Variants in RBM41 observed in about 807,000 individuals in gnomAD.
The protein encoded by RBM41 is RNA-binding protein 41.
A neutral mutation model predicts 30.8 loss-of-function variants in RBM41; 14 were observed. The ratio of observed to expected loss-of-function variants is 0.45; its 90% CI spans 0.30 to 0.71. RBM41 has a LOEUF of 0.71. RBM41 is among the 30% of genes least tolerant of loss of function. RBM41 has a pLI of 0.08. For missense variants in RBM41, 276 were observed against 326.3 expected (o/e 0.85, Z 1.19); for synonymous variants, 120 against 110.1 (o/e 1.09, Z -0.56).
chrX:107,079,436 G>A (rs1016634271), intron 6 of RBM41, among the ~76,000 whole-genome samples: 1 of 111,432 alleles, frequency 9.0e-6, no homozygotes, highest in Non-Finnish European at 1.9e-5. Flanking sequence ...ACCAGTACCT[G>A]CCATGGGAAA....
chrX:107,070,116 G>A (rs963839315), intron 6 of RBM41: 5 of 278,193 alleles, frequency 1.8e-5, no homozygotes, highest in Non-Finnish European at 2.0e-5. Flanking sequence ...AAGGGATGGG[G>A]TTAAAATAAG....
chrX:107,055,665 T>C, the RBM41 span, among the ~76,000 whole-genome samples: 11 of 112,596 alleles, frequency 9.8e-5, no homozygotes, highest in Non-Finnish European at 1.9e-4. Context: ...AACCACATCA[T>C]AATTCTATGG....
At chrX:107,059,853 T>C (rs1417241937), downstream of RBM41, among the ~76,000 whole-genome samples, 1 of 112,097 alleles carries the variant, frequency 8.9e-6, no homozygotes, top group East Asian at 2.8e-4. Context: ...TTTAGTGTTA[T>C]CAGTTTTTAT....
At position 107,118,749 on chromosome X, in the gene RBM41, T is replaced by C. The variant is rs1185764422; in HGVS notation, c.8+17A>G. 1 of 1,211,805 alleles carries C rather than the reference T, an allele frequency of 8.3e-7. No homozygotes were observed. The highest frequency in any genetic ancestry group is 3.0e-5 in the East Asian group (1 of 33,822). On this transcript the variant is annotated intron_variant, in intron 1 of 7. Coordinates refer to ENST00000685964, the MANE Select transcript of RBM41 (RefSeq NM_001324242.2). ...ACAAAGCTCCCCTTGCCGCCTGCTC[T>C]TCAGACAAGTCCTTACCTCTTCATG...
At chrX:107,105,875 G>C (rs1284950363) in intron 5 of RBM41, among the ~76,000 whole-genome samples, 1 of 111,571 alleles carries the variant, frequency 9.0e-6, no homozygotes, top group Non-Finnish European at 1.9e-5. Flanking sequence ...ATTCAAGATG[G>C]ATTAAAGACT....
At chrX:107,089,253 TTA>T (rs1407305224) in intron 5 of RBM41, among the ~76,000 whole-genome samples, 1 of 112,242 alleles carries the variant, frequency 8.9e-6, no homozygotes, top group African/African-American at 3.2e-5. Context: ...CCTTTGGCTG[TTA>T]TATCTCTTAA....
chrX:107,085,341 A>G (rs1206643725), intron 6 of RBM41, among the ~76,000 whole-genome samples: 1 of 104,417 alleles, frequency 9.6e-6, no homozygotes, highest in Non-Finnish European at 1.9e-5. Flanking sequence ...ATCTTGGGTC[A>G]CTGCAACCTC....
chrX:107,101,890 T>C (rs1226393881), intron 5 of RBM41, among the ~76,000 whole-genome samples: 2 of 111,944 alleles, frequency 1.8e-5, no homozygotes, highest in Middle Eastern at 4.6e-3. Flanking sequence ...TGGAAGAATT[T>C]TGAGCTGCTT....
Position 107,088,595 on chromosome X carries a change from A to G in RBM41, c.840T>C (p.Val280=). 1 of 1,211,150 alleles carries G rather than the reference A, an allele frequency of 8.3e-7. No individual in the cohort carries two copies. Among genetic ancestry groups the G allele is most frequent in the Non-Finnish European group, 1.1e-6 (1 of 895,402 alleles). The change falls in exon 6 of 8, where the codon GTT becomes GTC. Residue 280 remains valine (V), a synonymous_variant. Coordinates refer to ENST00000685964, the MANE Select transcript of RBM41 (RefSeq NM_001324242.2). ...AACACTGCTCAGGTGAAAAATCAAT[A>G]ACATTTGCCACATGGAGACTGGGGC... is the stretch of plus-strand genomic sequence containing the variant. ...GKGPSLHVAN[V]IDFSPEQCWT...
chrX:107,055,470 G>A, the RBM41 span, among the ~76,000 whole-genome samples: 3 of 111,022 alleles, frequency 2.7e-5, no homozygotes, highest in African/African-American at 9.8e-5. Flanking sequence ...GACTACAGGC[G>A]CCCGCCACCA....
chrX:107,106,858 G>A lies in RBM41; in HGVS notation c.595+6539C>T, dbSNP rs188504629. ...CACAGGAAGGGGAACATCATACACC[G>A]GGGCCTGTTGTGGGGTGGGGGGAGT... On this transcript the variant is annotated intron_variant, in intron 5 of 7. Coordinates refer to ENST00000685964, the MANE Select transcript of RBM41 (RefSeq NM_001324242.2). 9.1e-5 allele frequency among the ~76,000 whole-genome samples: 9 copies of A among 99,009 alleles called. No homozygotes were observed. In the East Asian group the frequency reaches 2.4e-3, roughly 26 times the overall value. The allele number at this position is 99,009 out of a possible 115,157, so 86.0% of individuals were successfully genotyped here.
intron 6 of RBM41, among the ~76,000 whole-genome samples, chrX:107,077,942 T>C (rs1234991837): frequency 9.0e-6 from 1 of 111,660 alleles, no homozygotes; most frequent in East Asian, 2.8e-4. Flanking sequence ...TAACCTCACA[T>C]TAATATGTTG....
downstream of RBM41, among the ~76,000 whole-genome samples, chrX:107,061,795 G>A (rs1381927552): frequency 2.7e-5 from 3 of 111,468 alleles, 1 homozygote; most frequent in African/African-American, 9.8e-5. Context: ...AGAAAATAAG[G>A]AATGGTAGCA....
At position 107,107,450 on chromosome X, in the gene RBM41, C is replaced by G. The variant is rs761332744; in HGVS notation, c.595+5947G>C. Among the ~76,000 whole-genome samples the G allele has an allele frequency of 2.7e-5, 3 of 111,740 alleles. 1 individual carries two copies. The highest frequency in any genetic ancestry group is 9.7e-5 in the African/African-American group (3 of 30,805). Reference sequence around the variant, plus strand: ...GAAAGAGTAATGAGGATTTAAAATACTATTTATAAGGAATGAAATAGTGAG... The same window carrying G: ...GAAAGAGTAATGAGGATTTAAAATAGTATTTATAAGGAATGAAATAGTGAG... On this transcript the variant is annotated intron_variant, in intron 5 of 7. Transcript: ENST00000685964.
At chrX:107,090,009 G>A (rs994030903) in intron 5 of RBM41, among the ~76,000 whole-genome samples, 10 of 112,184 alleles carry the variant, frequency 8.9e-5, no homozygotes, top group Non-Finnish European at 1.5e-4. Context: ...AGATCATATG[G>A]GAATGGCAGG....
At chrX:107,092,267 C>CA (rs541073895) in intron 5 of RBM41, among the ~76,000 whole-genome samples, 3,623 of 86,761 alleles carry the variant, frequency 0.042, 171 homozygotes, top group African/African-American at 0.14. Flanking sequence ...AGAGATGGAC[C>CA]AAAAAAAAAA....
intron 5 of RBM41, among the ~76,000 whole-genome samples, chrX:107,112,146 A>T (rs1201031373): frequency 8.9e-6 from 1 of 111,964 alleles, no homozygotes; most frequent in East Asian, 2.8e-4. Context: ...ATCCAACAGA[A>T]GATTGTGTTT....
intron 6 of RBM41, among the ~76,000 whole-genome samples, chrX:107,071,207 C>CA (rs56261473): frequency 0.029 from 1,714 of 58,899 alleles, 50 homozygotes; most frequent in African/African-American, 0.075. Flanking sequence ...TATATCACTA[C>CA]AAAAAAAAAA....
the RBM41 span, among the ~76,000 whole-genome samples, chrX:107,054,604 T>C: frequency 1.8e-5 from 2 of 111,893 alleles, no homozygotes; most frequent in Non-Finnish European, 3.8e-5. Flanking sequence ...TGGGAATCTG[T>C]ATTTGGCAGA....
Sources: gnomAD v4.1 joint callset for allele counts (sites outside exome capture counted in the v4.1 genomes callset) on GRCh38, gnomAD v4.1.1 for gene constraint, MANE v1.5 for transcripts, NCBI Gene and HGNC (gene_info 2026-07-23, HGNC 2026-07-21) for gene names.